Variants in SEMA3A observed in about 807,000 individuals in gnomAD.
SEMA3A encodes the protein semaphorin 3A, also known as semaphorin-3A.
In SEMA3A, 29 loss-of-function variants were observed where a neutral mutation model predicts 97.9. The observed-to-expected ratio is 0.30, with a 90% CI of 0.22 to 0.40. SEMA3A has a LOEUF of 0.40. SEMA3A is among the 10% of genes least tolerant of loss of function. SEMA3A has a pLI of 1.00. For missense variants in SEMA3A, 763 were observed against 951.3 expected (o/e 0.80, Z 2.60); for synonymous variants, 321 against 323.7 (o/e 0.99, Z 0.09).
intron 1 of SEMA3A, among the ~76,000 whole-genome samples, chr7:84,163,638 C>T (rs894904176): frequency 5.9e-5 from 9 of 151,900 alleles, no homozygotes; most frequent in Non-Finnish European, 1.0e-4. Context: ...ACATGTTAAA[C>T]AATAAAATAA....
chr7:84,006,852 CACAT>C (rs933254504), intron 10 of SEMA3A, among the ~76,000 whole-genome samples: 5 of 151,982 alleles, frequency 3.3e-5, no homozygotes, highest in African/African-American at 1.2e-4. Flanking sequence ...TATAAATACA[CACAT>C]ATATATGTCT....
intron 1 of SEMA3A, among the ~76,000 whole-genome samples, chr7:84,396,811 A>G (rs552241356): frequency 1.2e-4 from 19 of 152,124 alleles, no homozygotes; most frequent in African/African-American, 4.3e-4. Context: ...AAAATCACCT[A>G]GGACCCATAC....
chr7:84,340,797 A>AAAAAAC (rs1554366944), intron 2 of SEMA3A, among the ~76,000 whole-genome samples: 1 of 144,866 alleles, frequency 6.9e-6, no homozygotes, highest in African/African-American at 2.6e-5. Context: ...AAAAAAAAAA[A>AAAAAAC]ATCAAAATAA....
At chr7:84,447,794 C>T (rs544037520) in intron 1 of SEMA3A, among the ~76,000 whole-genome samples, 1 of 152,290 alleles carries the variant, frequency 6.6e-6, no homozygotes, top group South Asian at 2.1e-4. Context: ...TGCCACGTTG[C>T]GGGCTATGAG....
In SEMA3A at chr7:84,171,736, C is replaced by T. The variant is rs2116205760; in HGVS notation, c.112+22739G>A. ...TAATCAAGAAATTACAATTCTCATACTTGAACTGCTTTGATTAAAAAAATA... is the reference window on the plus strand; with the variant it reads ...TAATCAAGAAATTACAATTCTCATATTTGAACTGCTTTGATTAAAAAAATA... On this transcript the variant is annotated intron_variant, in intron 1 of 16. Coordinates refer to ENST00000265362, the MANE Select transcript of SEMA3A (RefSeq NM_006080.3). Among the ~76,000 whole-genome samples, 3 of 152,110 alleles carry T rather than the reference C, an allele frequency of 2.0e-5. No homozygotes were observed. The South Asian group carries it at 6.2e-4, about 32-fold the overall frequency.
intron 1 of SEMA3A, among the ~76,000 whole-genome samples, chr7:84,373,728 T>C (rs1803030718): frequency 6.6e-6 from 1 of 152,142 alleles, no homozygotes; most frequent in Admixed American, 6.5e-5. Flanking sequence ...AACTAAGATT[T>C]TCTGAGCTTC....
In SEMA3A at chr7:84,292,846, A is replaced by T. The variant is rs1412135215; in HGVS notation, c.-83+14361T>A. 5.3e-5 allele frequency among the ~76,000 whole-genome samples: 8 copies of T among 152,084 alleles called. No homozygotes were observed. In the South Asian group the frequency reaches 1.7e-3, roughly 31 times the overall value. On this transcript the variant is annotated intron_variant, in intron 3 of 3. Transcript: ENST00000424555. ...ACATATTTTAAATCAATATTTTAAC[A>T]TATATTTTATAGGTTATTTATGTTG... is the stretch of plus-strand genomic sequence containing the variant.
Position 83,960,422 on chromosome 7 carries a change from T to C in SEMA3A, c.*949A>G, listed in dbSNP as rs2116241210. The C allele has an allele frequency of 6.6e-6, 1 of 152,210 alleles. No homozygotes were observed. The highest frequency in any genetic ancestry group is 1.9e-4 in the East Asian group (1 of 5,176). The allele number at this position is 152,210 out of a possible 1,614,324, so 9.4% of individuals were successfully genotyped here. A position where few individuals can be genotyped will look rare whatever the true frequency, so the allele number is the denominator to read the frequency against. Reference sequence around the variant, plus strand: ...CTAAGAACATTATGCAAGTAAAAATTAATTTAGATAATGCTTAAAGAAGGG... The same window carrying C: ...CTAAGAACATTATGCAAGTAAAAATCAATTTAGATAATGCTTAAAGAAGGG... On this transcript the variant is annotated 3_prime_UTR_variant, in exon 17 of 17. Coordinates refer to ENST00000265362, the MANE Select transcript of SEMA3A (RefSeq NM_006080.3).
At chr7:84,343,747 C>T (rs1420632463) in intron 2 of SEMA3A, among the ~76,000 whole-genome samples, 2 of 152,042 alleles carry the variant, frequency 1.3e-5, no homozygotes, top group African/African-American at 4.8e-5. Flanking sequence ...CTCCTGTAAT[C>T]TCAGCACCTT....
chr7:84,229,188 T>C (rs1258091657), intron 3 of SEMA3A, among the ~76,000 whole-genome samples: 1 of 152,104 alleles, frequency 6.6e-6, no homozygotes, highest in Non-Finnish European at 1.5e-5. Flanking sequence ...TTGTTATGTT[T>C]TTCCCAAGTC....
intron 1 of SEMA3A, among the ~76,000 whole-genome samples, chr7:84,414,374 GATAA>G (rs944928599): frequency 2.8e-5 from 4 of 144,280 alleles, no homozygotes; most frequent in African/African-American, 1.0e-4. Flanking sequence ...ATCAGCACAT[GATAA>G]ATAATTGGCT....
chr7:84,011,295 A>G lies in SEMA3A; in HGVS notation c.813T>C (p.Asn271=). 4 of 1,603,108 alleles carry G rather than the reference A, an allele frequency of 2.5e-6. No individual in the cohort carries two copies. Among genetic ancestry groups the G allele is most frequent in the Non-Finnish European group, 3.4e-6 (4 of 1,170,030 alleles). The stretch of plus-strand genomic sequence containing the variant: ...CCAGACTTCTGTGCCCTCCAAAGTC[A>G]TTCTGAAAGAAGGGAACACCAGTGT... The part of the protein sequence containing the change: ...THARIGQICK[N]DFGGHRSLVN... Residue 271 remains asparagine, a splice_region_variant and synonymous_variant, in exon 8 of 17, where the codon AAT becomes AAC. Transcript: ENST00000265362.
intron 12 of SEMA3A, among the ~76,000 whole-genome samples, chr7:84,001,324 C>T (rs888472287): frequency 6.6e-6 from 1 of 151,030 alleles, no homozygotes; most frequent in African/African-American, 2.4e-5. Flanking sequence ...CAACCCCCCT[C>T]TCACCCGTAC....
intron 1 of SEMA3A, among the ~76,000 whole-genome samples, chr7:84,163,061 A>C (rs1406804770): frequency 1.3e-5 from 2 of 152,200 alleles, no homozygotes; most frequent in Non-Finnish European, 2.9e-5. Flanking sequence ...GGTACTCTGC[A>C]AGATAAATAC....
At chr7:84,058,261 A>T (rs559568537) in intron 5 of SEMA3A, among the ~76,000 whole-genome samples, 201 of 152,320 alleles carry the variant, frequency 1.3e-3, no homozygotes, top group African/African-American at 4.7e-3. Context: ...GCTTTTGGGA[A>T]CATAGGTTTT....
At chr7:84,282,515 C>G (rs1025842665) in intron 3 of SEMA3A, among the ~76,000 whole-genome samples, 1 of 152,106 alleles carries the variant, frequency 6.6e-6, no homozygotes, top group African/African-American at 2.4e-5. Context: ...AATTGTCTTT[C>G]CTATCCTAAA....
intron 1 of SEMA3A, among the ~76,000 whole-genome samples, chr7:84,425,425 G>T (rs558651238): frequency 7.3e-4 from 90 of 124,008 alleles, no homozygotes; most frequent in African/African-American, 2.4e-3. Context: ...ATATTTATAT[G>T]AATATAAATA....
At chr7:84,186,254 C>A (rs1164035716) in intron 1 of SEMA3A, among the ~76,000 whole-genome samples, 4 of 152,094 alleles carry the variant, frequency 2.6e-5, no homozygotes, top group Non-Finnish European at 5.9e-5. Context: ...TCACCTTTCT[C>A]AAAAATTCTA....
chr7:84,236,245 T>C (rs1038125677), intron 3 of SEMA3A, among the ~76,000 whole-genome samples: 2 of 152,124 alleles, frequency 1.3e-5, no homozygotes, highest in African/African-American at 4.8e-5. Context: ...CACATCTGTA[T>C]TGATTATGTG....
Sources: gnomAD v4.1 joint callset for allele counts (sites outside exome capture counted in the v4.1 genomes callset) on GRCh38, gnomAD v4.1.1 for gene constraint, MANE v1.5 for transcripts, NCBI Gene and HGNC (gene_info 2026-07-23, HGNC 2026-07-21) for gene names.